KCNH6: variants seen among roughly 807,000 people sequenced by gnomAD.
KCNH6 encodes voltage-gated inwardly rectifying potassium channel KCNH6.
In KCNH6, 81 loss-of-function variants were observed where a neutral mutation model predicts 83.4. The observed-to-expected ratio is 0.97, with a 90% CI of 0.81 to 1.17. The LOEUF is 1.17. Ranked by LOEUF, KCNH6 falls within the 50% of genes most tolerant of loss-of-function variation. The pLI, the probability that KCNH6 is intolerant of heterozygous loss-of-function variation, is 0.00. For synonymous variants in KCNH6, 503 were observed against 545.6 expected (o/e 0.92, Z 1.09); for missense variants, 1,203 against 1,290.5 (o/e 0.93, Z 1.04).
intron 8 of KCNH6, among the ~76,000 whole-genome samples, chr17:63,539,266 C>T (rs1382042927): frequency 2.6e-5 from 4 of 152,310 alleles, no homozygotes; most frequent in Middle Eastern, 3.4e-3. Flanking sequence ...CAGCCTCGCC[C>T]TCCTTTGGTA....
At position 63,535,556 on chromosome 17, in the gene KCNH6, TA is replaced by T; in HGVS notation, c.1102-110del. ...TGCGTGGCCCGGAGGAAGTTCTCCA[TA>T]AATGTTTGTTGAATGAGTATGTGGT... On this transcript the variant is annotated intron_variant, in intron 5 of 12. Coordinates refer to ENST00000314672, the MANE Select transcript of KCNH6 (RefSeq NM_001278919.2). The surrounding 1 kb of genome is among the most constrained non-coding windows in gnomAD (Gnocchi z 4.9). The T allele has an allele frequency of 9.7e-7, 1 of 1,029,444 alleles. No individual in the cohort carries two copies. The highest frequency in any genetic ancestry group is 1.6e-5 in the South Asian group (1 of 63,854). The allele number at this position is 1,029,444 out of a possible 1,614,324, so 63.8% of individuals were successfully genotyped here. A position where few individuals can be genotyped will look rare whatever the true frequency, so the allele number is the denominator to read the frequency against.
At position 63,533,287 on chromosome 17, in the gene KCNH6, T is replaced by C. The variant is rs1221150739; in HGVS notation, c.676-599T>C. Among the ~76,000 whole-genome samples the C allele has an allele frequency of 6.6e-6, 1 of 152,066 alleles. No homozygotes were observed. ...AGATGTGGGGAGGAGTCAGTTTTCC[T>C]TGGTGCCCAGGACCCGTTGAGGGTC... On this transcript the variant is annotated intron_variant, in intron 4 of 12. Coordinates refer to ENST00000314672, the MANE Select transcript of KCNH6 (RefSeq NM_001278919.2). This position sits in a 1 kb window ranked among gnomAD's most constrained non-coding sequence, Gnocchi z 4.1.
At chr17:63,537,027 A>C (rs1456293234) in intron 6 of KCNH6, among the ~76,000 whole-genome samples, 8 of 150,828 alleles carry the variant, frequency 5.3e-5, no homozygotes, top group Admixed American at 5.3e-4. Context: ...CAGGGCTCTT[A>C]GCATGCGGCT....
At chr17:63,527,819 T>C (rs1314810048) in intron 2 of KCNH6, among the ~76,000 whole-genome samples, 1 of 152,148 alleles carries the variant, frequency 6.6e-6, no homozygotes, top group African/African-American at 2.4e-5. Context: ...GAGAATGCTC[T>C]GGACTCTTCC....
intron 4 of KCNH6, among the ~76,000 whole-genome samples, chr17:63,531,773 A>C (rs1238875379): frequency 6.6e-6 from 1 of 152,050 alleles, no homozygotes; most frequent in African/African-American, 2.4e-5. Context: ...GTTAGACTGG[A>C]GAGTGGTCGG....
Position 63,545,923 on chromosome 17 carries a change from T to C in KCNH6, c.*21T>C, listed in dbSNP as rs2033126705. 1.2e-6 allele frequency: 2 copies of C among 1,608,814 alleles called. No homozygotes were observed. Among genetic ancestry groups the C allele is most frequent in the Non-Finnish European group, 1.7e-6 (2 of 1,176,862 alleles). ...ACTGAACTCCAAGATAAAGACACCA[T>C]GAGGGGACTGAAGGTGGGCAAGGTG... On this transcript the variant is annotated 3_prime_UTR_variant, in exon 13 of 13. Transcript: ENST00000314672.
chr17:63,544,447 TG>T, intron 11 of KCNH6, 36 bp downstream of exon 11: 1 of 1,464,976 alleles, frequency 6.8e-7, no homozygotes. Context: ...GGGCTGGTCA[TG>T]GGTAGCCCCT....
In KCNH6 at chr17:63,524,374, G is replaced by A; in HGVS notation, c.307+5G>A. On this transcript the variant is annotated splice_donor_5th_base_variant and intron_variant, in intron 2 of 12. Coordinates refer to ENST00000314672, the MANE Select transcript of KCNH6 (RefSeq NM_001278919.2). Reference sequence around the variant, plus strand: ...TCCTCTACTACCGCAAGGATGGTGAGGCATACTCAGGCCAGAGGCTTTGCA... The same window carrying A: ...TCCTCTACTACCGCAAGGATGGTGAAGCATACTCAGGCCAGAGGCTTTGCA... 6.2e-7 allele frequency: 1 copy of A among 1,611,076 alleles called. No individual in the cohort carries two copies. Among genetic ancestry groups the A allele is most frequent in the Non-Finnish European group, 8.5e-7 (1 of 1,177,956 alleles).
Position 63,535,299 on chromosome 17 carries a change from C to T in KCNH6, c.1102-370C>T, listed in dbSNP as rs757743691. On this transcript the variant is annotated intron_variant, in intron 5 of 12. Transcript: ENST00000314672. This position sits in a 1 kb window ranked among gnomAD's most constrained non-coding sequence, Gnocchi z 4.9. ...GGCCACGCACTTCACACCTCAGTGC[C>T]GCTGCTCATGCTGCTCCCTGAGCCA... is the stretch of plus-strand genomic sequence containing the variant. Among the ~76,000 whole-genome samples the T allele has an allele frequency of 2.0e-5, 3 of 152,296 alleles. No homozygotes were observed. The highest frequency in any genetic ancestry group is 2.1e-4 in the South Asian group (1 of 4,826).
At chr17:63,548,987 A>C, downstream of KCNH6, 1 of 152,142 alleles carries the variant, frequency 6.6e-6, no homozygotes. Flanking sequence ...TAAAAAAAAA[A>C]GAGGATTTCT....
intron 4 of KCNH6, among the ~76,000 whole-genome samples, chr17:63,531,274 C>A (rs995494211): frequency 1.3e-5 from 2 of 152,224 alleles, no homozygotes; most frequent in African/African-American, 4.8e-5. Context: ...GGCACTGACT[C>A]CCTGTGTGAC....
At position 63,545,859 on chromosome 17, in the gene KCNH6, G is replaced by T. The variant is rs1201829034; in HGVS notation, c.2834G>T (p.Arg945Ile). 1.2e-6 allele frequency: 2 copies of T among 1,614,094 alleles called. No homozygotes were observed. The highest frequency in any genetic ancestry group is 8.5e-7 in the Non-Finnish European group (1 of 1,180,018). The change falls in exon 13 of 13, where the codon AGA becomes ATA. Residue 945 changes from arginine to isoleucine, a missense_variant. Arg to Ile is a moderately conservative substitution (Grantham distance 97, BLOSUM62 -3). Transcript: ENST00000314672. ...GSVPKQLDFQ[R>I]HGSDPGFAGS... ...GTTCCCAAGCAGCTGGACTTCCAGA[G>T]ACATGGCTCAGATCCTGGATTTGCA...
chr17:63,538,542 A>G lies in KCNH6; in HGVS notation c.1834A>G (p.Thr612Ala). The G allele has an allele frequency of 6.2e-7, 1 of 1,610,492 alleles. No homozygotes were observed. The highest frequency in any genetic ancestry group is 8.5e-7 in the Non-Finnish European group (1 of 1,178,670). Reference sequence around the variant, plus strand: ...GCGCGCGCTAGCCGTCAAGTTCAAGACCACCCACGCGCCGCCTGGGGACAC... The same window carrying G: ...GCGCGCGCTAGCCGTCAAGTTCAAGGCCACCCACGCGCCGCCTGGGGACAC... ...CLRALAVKFK[T>A]THAPPGDTLV... is the part of the protein sequence containing the mutation. The change falls in exon 8 of 13, where the codon ACC becomes GCC. Residue 612 changes from threonine (T) to alanine (A), a missense_variant. Transcript: ENST00000314672. This position sits in a 1 kb window ranked among gnomAD's most constrained non-coding sequence, Gnocchi z 4.0.
In KCNH6 at chr17:63,544,419, T is replaced by C. The variant is rs2033043743; in HGVS notation, c.2396+8T>C. On this transcript the variant is annotated splice_region_variant and intron_variant, in intron 11 of 12. Transcript: ENST00000314672. ...CCAGGCCCAGATGAACAGGTGTGTG[T>C]GCTGTGGTCAGGGCTGGGGGCTGGT... The C allele has an allele frequency of 1.9e-6, 3 of 1,549,520 alleles. No homozygotes were observed. Among genetic ancestry groups the C allele is most frequent in the African/African-American group, 2.7e-5 (2 of 72,976 alleles).
rs373314435 is a variant in KCNH6, at chr17:63,538,550, C to T, written c.1842C>T (p.His614=). 9.9e-6 allele frequency: 16 copies of T among 1,611,436 alleles called. No individual in the cohort carries two copies. The highest frequency in any genetic ancestry group is 8.8e-5 in the South Asian group (8 of 90,726). ...RALAVKFKTT[H]APPGDTLVHL... is the part of the protein sequence containing the mutation. ...TAGCCGTCAAGTTCAAGACCACCCACGCGCCGCCTGGGGACACGCTGGTGC... is the reference window on the plus strand; with the variant it reads ...TAGCCGTCAAGTTCAAGACCACCCATGCGCCGCCTGGGGACACGCTGGTGC... The change falls in exon 8 of 13, where the codon CAC becomes CAT. Residue 614 remains histidine, a synonymous_variant. Transcript: ENST00000314672. The surrounding 1 kb of genome is among the most constrained non-coding windows in gnomAD (Gnocchi z 4.0).
chr17:63,527,699 C>A (rs556746466), intron 2 of KCNH6, among the ~76,000 whole-genome samples: 3 of 152,318 alleles, frequency 2.0e-5, no homozygotes, highest in African/African-American at 7.2e-5. Context: ...CCCTCCTGGG[C>A]ATAACCTGAG....
Position 63,538,466 on chromosome 17 carries a change from C to CGCACTGCTGCA in KCNH6, c.1766_1776dup (p.Pro593CysfsTer18). Reference sequence around the variant, plus strand: ...CTGACATCTGCCTGCACCTGCACCGCGCACTGCTGCAGCACTGCCCAGCTT... The same window carrying CGCACTGCTGCA: ...CTGACATCTGCCTGCACCTGCACCGCGCACTGCTGCAGCACTGCTGCAGCACTGCCCAGCTT... On this transcript the variant is annotated frameshift_variant, in exon 8 of 13. Transcript: ENST00000314672. LOFTEE classifies it high-confidence loss of function. This position sits in a 1 kb window ranked among gnomAD's most constrained non-coding sequence, Gnocchi z 4.0. The CGCACTGCTGCA allele has an allele frequency of 2.5e-6, 4 of 1,604,346 alleles. No individual in the cohort carries two copies. Among genetic ancestry groups the CGCACTGCTGCA allele is most frequent in the Middle Eastern group, 3.3e-4 (2 of 6,038 alleles).
At position 63,538,516 on chromosome 17, in the gene KCNH6, TGC is replaced by T; in HGVS notation, c.1815_1816del (p.Leu606SerfsTer49). 1 of 1,605,266 alleles carries T rather than the reference TGC, an allele frequency of 6.2e-7. No homozygotes were observed. The highest frequency in any genetic ancestry group is 8.5e-7 in the Non-Finnish European group (1 of 1,176,476). Reference sequence around the variant, plus strand: ...TTCAGCGGCGCCGGCAAGGGCTGCCTGCGCGCGCTAGCCGTCAAGTTCAAGAC... The same window carrying T: ...TTCAGCGGCGCCGGCAAGGGCTGCCTGCGCGCTAGCCGTCAAGTTCAAGAC... On this transcript the variant is annotated frameshift_variant, in exon 8 of 13. Coordinates refer to ENST00000314672, the MANE Select transcript of KCNH6 (RefSeq NM_001278919.2). LOFTEE classifies it high-confidence loss of function. The surrounding 1 kb of genome is among the most constrained non-coding windows in gnomAD (Gnocchi z 4.0).
rs374687862 is a variant in KCNH6, at chr17:63,534,078, C to T, written c.868C>T (p.Arg290Cys). 9 of 1,613,344 alleles carry T rather than the reference C, an allele frequency of 5.6e-6. No individual in the cohort carries two copies. The Admixed American group carries it at 8.3e-5, about 15-fold the overall frequency. The change falls in exon 5 of 13, where the codon CGT becomes TGT. Residue 290 changes from arginine to cysteine, a missense_variant. Physicochemically the swap from Arg to Cys is radical, Grantham distance 180. Transcript: ENST00000314672. This position sits in a 1 kb window ranked among gnomAD's most constrained non-coding sequence, Gnocchi z 5.0. Reference sequence around the variant, plus strand: ...GCTCAGCGATCAGGACGAATCACGGCGTGGGGCCTGCAGCTATACCTGCAG... The same window carrying T: ...GCTCAGCGATCAGGACGAATCACGGTGTGGGGCCTGCAGCTATACCTGCAG... ...FLLSDQDESRRGACSYTCSPL... is the reference protein window; with the variant it reads ...FLLSDQDESRCGACSYTCSPL...
Sources: allele counts gnomAD v4.1 joint callset (sites outside exome capture counted in the v4.1 genomes callset), GRCh38; gene constraint gnomAD v4.1.1; non-coding constraint Gnocchi (gnomAD v3.1); transcripts MANE v1.5; gene names NCBI Gene and HGNC (gene_info 2026-07-23, HGNC 2026-07-21).